GALNT10: variants seen among roughly 807,000 people sequenced by gnomAD.
GALNT10 encodes the protein GalNAc transferase 10.
GALNT10 carries 41 observed loss-of-function variants against 75.0 expected under a neutral mutation model. That is an observed-to-expected ratio of 0.55 (90% CI 0.43 to 0.71). The LOEUF (loss-of-function observed/expected upper bound fraction) is 0.71, where lower values mean the gene tolerates loss of function less well. Ranked by LOEUF, GALNT10 falls within the 30% of genes least tolerant of loss-of-function variation. The pLI is 0.00. For synonymous variants in GALNT10, 302 were observed against 313.0 expected, an observed-to-expected ratio of 0.96 and a Z score of 0.37; for missense variants, 727 against 818.5, an observed-to-expected ratio of 0.89 and a Z score of 1.36.
rs1311727844 is a variant in GALNT10 at position 154,378,151 on chromosome 5, C to T, written c.754+1689C>T. ...GTGATGTAGATTTAAAAGTCTGTCC[C>T]TGCTAATGTCAGCAGCTGACAGAGC... On this transcript the variant is annotated intron_variant, in intron 5 of 11. Coordinates refer to ENST00000297107, the MANE Select transcript of GALNT10 (RefSeq NM_198321.4). 2.0e-5 allele frequency among the ~76,000 whole-genome samples: 3 copies of T among 152,184 alleles called. No homozygotes were observed. The East Asian group carries it at 5.8e-4, about 29-fold the overall frequency.
rs1284198314 is a variant in GALNT10, at chr5:154,417,292, A to G, written c.*320A>G. On this transcript the variant is annotated 3_prime_UTR_variant, in exon 12 of 12. Coordinates refer to ENST00000297107, the MANE Select transcript of GALNT10 (RefSeq NM_198321.4). ...CCCCTTGAACATTATGTGGGAGAAC[A>G]CCAAGGTAGCCTAGGCCACCCAAAA... 3 of 246,602 alleles carry G rather than the reference A, an allele frequency of 1.2e-5. No individual in the cohort carries two copies. Among genetic ancestry groups the G allele is most frequent in the Non-Finnish European group, 1.6e-5 (2 of 127,282 alleles). The allele number at this position is 246,602 out of a possible 1,614,324, so 15.3% of individuals were successfully genotyped here.
chr5:154,304,463 A>T (rs550388655), intron 3 of GALNT10, among the ~76,000 whole-genome samples: 6 of 152,330 alleles, frequency 3.9e-5, no homozygotes, highest in African/African-American at 1.4e-4. Flanking sequence ...TGGTGTAGCA[A>T]CATCTTTAAA....
At chr5:154,331,564 A>C (rs1369087306) in intron 4 of GALNT10, among the ~76,000 whole-genome samples, 1 of 152,208 alleles carries the variant, frequency 6.6e-6, no homozygotes, top group Non-Finnish European at 1.5e-5. Flanking sequence ...GATGTCTATC[A>C]AGTGCTTAGG....
In GALNT10 at chr5:154,416,219, C is replaced by G. The variant is rs1333899844; in HGVS notation, c.1653+287C>G. On this transcript the variant is annotated intron_variant, in intron 11 of 11. Transcript: ENST00000297107. This position sits in a 1 kb window ranked among gnomAD's most constrained non-coding sequence, Gnocchi z 4.5. ...CTTTGGGAGGCTGAGGTGGGTGGAT[C>G]ACCTGAGGTCAGGAGTTCGAGACTA... Among the ~76,000 whole-genome samples the G allele has an allele frequency of 6.6e-6, 1 of 152,068 alleles. No homozygotes were observed. Among genetic ancestry groups the G allele is most frequent in the East Asian group, 1.9e-4 (1 of 5,188 alleles).
chr5:154,265,443 A>G (rs1167063665), intron 1 of GALNT10, among the ~76,000 whole-genome samples: 5 of 152,200 alleles, frequency 3.3e-5, no homozygotes, highest in Admixed American at 6.5e-5. Context: ...AGCATTTGCA[A>G]AAGTCTTTAA....
At chr5:154,283,295 A>AAC (rs1187788198) in intron 1 of GALNT10, among the ~76,000 whole-genome samples, 1 of 150,272 alleles carries the variant, frequency 6.7e-6, no homozygotes, top group East Asian at 2.0e-4. Flanking sequence ...AAAAAAAAAA[A>AAC]AAAAAGCCAG....
chr5:154,199,572 T>C (rs960315192), intron 1 of GALNT10, among the ~76,000 whole-genome samples: 3 of 152,142 alleles, frequency 2.0e-5, no homozygotes, highest in African/African-American at 7.2e-5. Flanking sequence ...GCTGCGAGGA[T>C]TGGCTGGGGC....
At chr5:154,280,192 G>A (rs1459430674) in intron 1 of GALNT10, among the ~76,000 whole-genome samples, 1 of 152,136 alleles carries the variant, frequency 6.6e-6, no homozygotes, top group Non-Finnish European at 1.5e-5. Context: ...TCACTCATAC[G>A]TGAGAGCTAA....
At chr5:154,404,058 A>G in intron 7 of GALNT10, 46 bp from the exon 8 acceptor site, 1 of 1,457,088 alleles carries the variant, frequency 6.9e-7, no homozygotes, top group Non-Finnish European at 9.6e-7. Context: ...GGGATGGTGA[A>G]CTGGAAGCAG....
At chr5:154,360,173 G>A (rs1055452003) in intron 4 of GALNT10, among the ~76,000 whole-genome samples, 1 of 152,120 alleles carries the variant, frequency 6.6e-6, no homozygotes, top group African/African-American at 2.4e-5. Flanking sequence ...CACTGGGCTG[G>A]GTGCGGTGGC....
intron 1 of GALNT10, among the ~76,000 whole-genome samples, chr5:154,229,583 A>G (rs1405456480): frequency 5.3e-5 from 8 of 151,656 alleles, no homozygotes; most frequent in African/African-American, 1.7e-4. Flanking sequence ...AAAAAAAAAA[A>G]TTCGCCGGGC....
intron 1 of GALNT10, among the ~76,000 whole-genome samples, chr5:154,234,967 A>G (rs1753222911): frequency 6.6e-6 from 1 of 152,234 alleles, no homozygotes; most frequent in Non-Finnish European, 1.5e-5. Flanking sequence ...TTGAGAGTCT[A>G]GGATTCTGGG....
intron 1 of GALNT10, among the ~76,000 whole-genome samples, chr5:154,197,964 G>A (rs1774970976): frequency 6.6e-6 from 1 of 152,140 alleles, no homozygotes; most frequent in Non-Finnish European, 1.5e-5. Context: ...CAAAGGACCT[G>A]TCTTCCACCC....
At chr5:154,195,678 A>G (rs1774926743) in intron 1 of GALNT10, among the ~76,000 whole-genome samples, 1 of 152,224 alleles carries the variant, frequency 6.6e-6, no homozygotes, top group African/African-American at 2.4e-5. Flanking sequence ...TCCCATAGGG[A>G]GGAACGCAGA....
At chr5:154,194,750 TTGCTA>T (rs1322567631) in intron 1 of GALNT10, among the ~76,000 whole-genome samples, 2 of 152,202 alleles carry the variant, frequency 1.3e-5, no homozygotes, top group East Asian at 1.9e-4. Context: ...AGGGCAGACA[TTGCTA>T]ATCAACCTTT....
rs1363055652 is a variant in GALNT10, at chr5:154,419,870, T to C, written c.*2898T>C. The C allele has an allele frequency of 6.6e-6, 1 of 152,244 alleles. No homozygotes were observed. The highest frequency in any genetic ancestry group is 1.5e-5 in the Non-Finnish European group (1 of 68,052). 9.4% of individuals were successfully genotyped at this position (152,244 alleles called of 1,614,324 possible). On this transcript the variant is annotated 3_prime_UTR_variant, in exon 12 of 12. Transcript: ENST00000297107. ...CTGACAGCCAGGTAATGGGTGAGAC[T>C]GTGGGGTCCCTTTTCCTCTAAAGCC... is the stretch of plus-strand genomic sequence containing the variant.
Position 154,400,530 on chromosome 5 carries a change from G to A in GALNT10, c.1057-3574G>A, listed in dbSNP as rs977686542. Among the ~76,000 whole-genome samples, 19 of 152,346 alleles carry A rather than the reference G, an allele frequency of 1.2e-4. No homozygotes were observed. The East Asian group carries it at 3.7e-3, about 29-fold the overall frequency. On this transcript the variant is annotated intron_variant, in intron 7 of 11. Coordinates refer to ENST00000297107, the MANE Select transcript of GALNT10 (RefSeq NM_198321.4). ...TGGCCATCCTGGGTCACAGGCCCCA[G>A]GTGGAGCAGTTGGAAGGACAGTCCC...
intron 1 of GALNT10, among the ~76,000 whole-genome samples, chr5:154,221,736 G>A (rs892605322): frequency 1.1e-4 from 16 of 152,184 alleles, no homozygotes; most frequent in African/African-American, 3.9e-4. Context: ...ACCTCAAAAA[G>A]CCAGTCATCT....
chr5:154,251,752 G>A (rs1753526566), intron 1 of GALNT10, among the ~76,000 whole-genome samples: 1 of 152,034 alleles, frequency 6.6e-6, no homozygotes, highest in Non-Finnish European at 1.5e-5. Flanking sequence ...CACCAGACCT[G>A]GAATTCATCA....
Sources: gnomAD v4.1 joint callset for allele counts (sites outside exome capture counted in the v4.1 genomes callset) on GRCh38, gnomAD v4.1.1 for gene constraint, Gnocchi (gnomAD v3.1) non-coding constraint, MANE v1.5 for transcripts, NCBI Gene and HGNC (gene_info 2026-07-23, HGNC 2026-07-21) for gene names.